The following KIF26B variants were observed in gnomAD, a reference collection of about 807,000 sequenced individuals.
KIF26B encodes kinesin family member 26B, also known as kinesin-like protein KIF26B.
KIF26B carries 63 observed loss-of-function variants against 151.2 expected under a neutral mutation model. That is an observed-to-expected ratio of 0.42 (90% CI 0.34 to 0.51). KIF26B has a LOEUF of 0.51. Ranked by LOEUF, KIF26B falls within the 20% of genes least tolerant of loss-of-function variation. The pLI is 0.07. For synonymous variants in KIF26B, 1,357 were observed against 1,262.1 expected (o/e 1.08, Z -1.59); for missense variants, 2,813 against 2,913.6 (o/e 0.97, Z 0.79).
At chr1:245,333,533 G>A (rs759368590) in intron 2 of KIF26B, among the ~76,000 whole-genome samples, 2 of 152,122 alleles carry the variant, frequency 1.3e-5, no homozygotes, top group African/African-American at 2.4e-5. Flanking sequence ...CGGTGGTGAC[G>A]GTTACACAGT....
At chr1:245,585,513 C>T (rs759756225) in intron 5 of KIF26B, among the ~76,000 whole-genome samples, 1 of 151,640 alleles carries the variant, frequency 6.6e-6, no homozygotes, top group Non-Finnish European at 1.5e-5. Flanking sequence ...GCCAGGGCTG[C>T]CGTTCCTTCT....
rs866044247 is a variant in KIF26B at position 245,704,407 on chromosome 1, A to T, written c.*1801A>T. The T allele has an allele frequency of 2.6e-5, 4 of 152,146 alleles. No homozygotes were observed. Among genetic ancestry groups the T allele is most frequent in the Admixed American group, 2.6e-4 (4 of 15,276 alleles). 9.4% of individuals were successfully genotyped at this position (152,146 alleles called of 1,614,324 possible). ...ACCGAAGTCTTGTGAGCTTCACATG[A>T]CCTGATCCTTTGTTATCAGAACAGG... On this transcript the variant is annotated 3_prime_UTR_variant, in exon 15 of 15. Coordinates refer to ENST00000407071, the MANE Select transcript of KIF26B (RefSeq NM_018012.4).
chr1:245,609,043 C>T lies in KIF26B; in HGVS notation c.1652-223C>T, dbSNP rs117148889. Among the ~76,000 whole-genome samples, 149 of 152,346 alleles carry T rather than the reference C, an allele frequency of 9.8e-4. 3 individuals are homozygous for T. In the East Asian group the frequency reaches 0.024, roughly 24 times the overall value. ...GTGCTGAGGTTACAGGCATGAGCCA[C>T]TGAGCCCAACCAGCATTCTTTATTG... On this transcript the variant is annotated intron_variant, in intron 7 of 14. Coordinates refer to ENST00000407071, the MANE Select transcript of KIF26B (RefSeq NM_018012.4).
intron 5 of KIF26B, among the ~76,000 whole-genome samples, chr1:245,582,507 G>A (rs2043185720): frequency 6.6e-6 from 1 of 151,686 alleles, no homozygotes; most frequent in Admixed American, 6.6e-5. Flanking sequence ...CTGAACCACA[G>A]CAGCACAAGG....
rs1272032204 is a variant in KIF26B, at chr1:245,214,216, G to GT, written c.465+57534dup. 4 of 130,178 alleles carry GT rather than the reference G, an allele frequency of 3.1e-5. No individual in the cohort carries two copies. In the East Asian group the frequency reaches 1.4e-3, roughly 45 times the overall value. The allele number at this position is 130,178 out of a possible 1,614,324, so 8.1% of individuals were successfully genotyped here. On this transcript the variant is annotated intron_variant, in intron 2 of 14. Coordinates refer to ENST00000407071, the MANE Select transcript of KIF26B (RefSeq NM_018012.4). ...TCGCAAGACCCCATCTCTACAAAAA[G>GT]TAAAAAAAAAAAGAGTCAGGCTTAG...
intron 5 of KIF26B, among the ~76,000 whole-genome samples, chr1:245,556,879 T>C (rs1367100240): frequency 6.6e-6 from 1 of 151,654 alleles, no homozygotes; most frequent in Non-Finnish European, 1.5e-5. Flanking sequence ...TTTCTGCCTT[T>C]CCCCACTCTT....
intron 4 of KIF26B, among the ~76,000 whole-genome samples, chr1:245,523,844 T>C (rs900190161): frequency 2.6e-5 from 4 of 152,174 alleles, no homozygotes; most frequent in African/African-American, 9.7e-5. Context: ...AGAACAAGGA[T>C]TGATTAATCC....
At position 245,511,246 on chromosome 1, in the gene KIF26B, C is replaced by A. The variant is rs756806642; in HGVS notation, c.1167-29521C>A. The A allele has an allele frequency of 2.9e-4, 189 of 660,190 alleles. 1 individual carries two copies. Among genetic ancestry groups the A allele is most frequent in the Non-Finnish European group, 3.6e-5 (13 of 363,402 alleles). 40.9% of individuals were successfully genotyped at this position (660,190 alleles called of 1,614,324 possible). On this transcript the variant is annotated intron_variant, in intron 4 of 14. Transcript: ENST00000407071. Reference sequence around the variant, plus strand: ...AAAAGTAAAAATAAAATGCATAAACCATTTCAAAGAAGTTAGGAGGGTCCA... The same window carrying A: ...AAAAGTAAAAATAAAATGCATAAACAATTTCAAAGAAGTTAGGAGGGTCCA...
chr1:245,702,349 C>T lies in KIF26B; in HGVS notation c.6179-109C>T. On this transcript the variant is annotated intron_variant, in intron 14 of 14. Transcript: ENST00000407071. The surrounding 1 kb of genome is among the most constrained non-coding windows in gnomAD (Gnocchi z 4.1). ...GTGGCCTAAGGCAAGCGAACTAGAC[C>T]TTTAGACCAAGGGGTAGATGTGGGG... 2 of 1,276,756 alleles carry T rather than the reference C, an allele frequency of 1.6e-6. No individual in the cohort carries two copies. The highest frequency in any genetic ancestry group is 1.1e-6 in the Non-Finnish European group (1 of 899,818). 79.1% of individuals were successfully genotyped at this position (1,276,756 alleles called of 1,614,324 possible). A position where few individuals can be genotyped will look rare whatever the true frequency, so the allele number is the denominator to read the frequency against.
At chr1:245,646,350 C>A in intron 10 of KIF26B, 70 bp downstream of exon 10, 2 of 1,527,032 alleles carry the variant, frequency 1.3e-6, no homozygotes, top group Non-Finnish European at 1.8e-6. Context: ...TCAGTGCCAT[C>A]TGTGGAGAGG....
intron 4 of KIF26B, among the ~76,000 whole-genome samples, chr1:245,526,272 G>A (rs1330242889): frequency 5.9e-5 from 9 of 152,144 alleles, no homozygotes; most frequent in African/African-American, 2.4e-5. Context: ...CAGGTAACCT[G>A]ACGGTAGCAT....
chr1:245,698,335 G>A lies in KIF26B; in HGVS notation c.6027+27G>A, dbSNP rs200961580. 111 of 1,598,384 alleles carry A rather than the reference G, an allele frequency of 6.9e-5. No individual in the cohort carries two copies. The East Asian group carries it at 2.5e-3, about 35-fold the overall frequency. Reference sequence around the variant, plus strand: ...TGAGGCAGCCTCCTTCCCACCCCCTGCCTACGTGGTGGCAGCTCCCCACCA... The same window carrying A: ...TGAGGCAGCCTCCTTCCCACCCCCTACCTACGTGGTGGCAGCTCCCCACCA... On this transcript the variant is annotated intron_variant, in intron 13 of 14. Transcript: ENST00000407071. This position sits in a 1 kb window ranked among gnomAD's most constrained non-coding sequence, Gnocchi z 4.0.
intron 2 of KIF26B, among the ~76,000 whole-genome samples, chr1:245,307,100 G>A (rs1573765422): frequency 6.6e-6 from 1 of 152,116 alleles, no homozygotes; most frequent in Non-Finnish European, 1.5e-5. Flanking sequence ...CTGTAATCCT[G>A]GTAACTATTC....
At chr1:245,461,038 G>A in intron 4 of KIF26B, among the ~76,000 whole-genome samples, 1 of 152,158 alleles carries the variant, frequency 6.6e-6, no homozygotes, top group Non-Finnish European at 1.5e-5. Context: ...GGCGTTCTGG[G>A]GTGTAATCTT....
At chr1:245,237,244 C>T (rs2103558243) in intron 2 of KIF26B, among the ~76,000 whole-genome samples, 1 of 152,290 alleles carries the variant, frequency 6.6e-6, no homozygotes, top group East Asian at 1.9e-4. Flanking sequence ...TGTCTCATAC[C>T]ACGCAACTCT....
intron 9 of KIF26B, among the ~76,000 whole-genome samples, chr1:245,643,121 G>A (rs2043911142): frequency 6.6e-6 from 1 of 152,176 alleles, no homozygotes; most frequent in African/African-American, 2.4e-5. Flanking sequence ...TATTTGAAGT[G>A]TATTTCTCAA....
At chr1:245,447,709 A>G (rs577345317) in intron 4 of KIF26B, among the ~76,000 whole-genome samples, 6 of 152,300 alleles carry the variant, frequency 3.9e-5, no homozygotes, top group South Asian at 2.1e-4. Context: ...TATTGTCCCA[A>G]CAACACTCAG....
chr1:245,390,076 T>C (rs1352567638), intron 3 of KIF26B, among the ~76,000 whole-genome samples: 2 of 152,080 alleles, frequency 1.3e-5, no homozygotes, highest in Non-Finnish European at 2.9e-5. Flanking sequence ...AAGGCAATGA[T>C]GGATAAAACT....
intron 3 of KIF26B, among the ~76,000 whole-genome samples, chr1:245,392,504 A>G (rs1235731201): frequency 6.6e-6 from 1 of 152,138 alleles, no homozygotes; most frequent in African/African-American, 2.4e-5. Flanking sequence ...TTGATATTAG[A>G]GTTCTAGGTT....
Sources: allele counts gnomAD v4.1 joint callset (sites outside exome capture counted in the v4.1 genomes callset), GRCh38; gene constraint gnomAD v4.1.1; non-coding constraint Gnocchi (gnomAD v3.1); transcripts MANE v1.5; gene names NCBI Gene and HGNC (gene_info 2026-07-23, HGNC 2026-07-21).